The following FAM169A variants were observed in gnomAD, a reference collection of about 807,000 sequenced individuals.
The protein encoded by FAM169A is family with sequence similarity 169 member A.
Under a neutral mutation model 75.7 loss-of-function variants are expected in FAM169A, and 24 were observed. The observed-to-expected ratio is 0.32, with a 90% confidence interval of 0.23 to 0.45. The LOEUF (loss-of-function observed/expected upper bound fraction) is 0.45. FAM169A is among the 20% of genes least tolerant of loss of function. The probability of loss-of-function intolerance (pLI) is 1.00; values close to 1 mark genes in which losing one functional copy is unlikely to be tolerated. For missense variants in FAM169A, 673 were observed against 784.0 expected, an observed-to-expected ratio of 0.86 and a Z score of 1.69; for synonymous variants, 271 against 271.0, an observed-to-expected ratio of 1.00 and a Z score of 0.00.
At chr5:74,854,542 ATCT>A (rs1223003023) in intron 1 of FAM169A, among the ~76,000 whole-genome samples, 2 of 152,080 alleles carry the variant, frequency 1.3e-5, no homozygotes, top group Admixed American at 6.6e-5. Flanking sequence ...CAAGTGCTAG[ATCT>A]TCTTCATTCA....
At chr5:74,827,669 CTT>C (rs555386249) in intron 5 of FAM169A, among the ~76,000 whole-genome samples, 18 of 138,688 alleles carry the variant, frequency 1.3e-4, no homozygotes, top group Admixed American at 1.5e-4. Flanking sequence ...TGGAGCTTAT[CTT>C]TTTTTTTTTT....
chr5:74,793,687 T>C (rs1746100442), intron 11 of FAM169A, among the ~76,000 whole-genome samples: 1 of 152,134 alleles, frequency 6.6e-6, no homozygotes, highest in Non-Finnish European at 1.5e-5. Context: ...AACACCCATC[T>C]GCTCCCCAAA....
intron 1 of FAM169A, among the ~76,000 whole-genome samples, chr5:74,844,894 T>C (rs1318400672): frequency 2.6e-5 from 4 of 152,232 alleles, no homozygotes; most frequent in Non-Finnish European, 5.9e-5. Context: ...AGTATAAAGT[T>C]AGTATAGAAT....
At chr5:74,863,796 T>C (rs544582341) in intron 1 of FAM169A, among the ~76,000 whole-genome samples, 151 of 152,298 alleles carry the variant, frequency 9.9e-4, no homozygotes, top group African/African-American at 3.5e-3. Context: ...ACCAATTCAG[T>C]GAACTTCTCT....
chr5:74,860,312 C>A (rs945709491), intron 1 of FAM169A, among the ~76,000 whole-genome samples: 1 of 152,190 alleles, frequency 6.6e-6, no homozygotes, highest in Non-Finnish European at 1.5e-5. Flanking sequence ...CTACAAAATT[C>A]TTTACTAATA....
intron 5 of FAM169A, among the ~76,000 whole-genome samples, chr5:74,823,322 T>A (rs574989808): frequency 6.6e-6 from 1 of 152,308 alleles, no homozygotes; most frequent in African/African-American, 2.4e-5. Flanking sequence ...ATTCCATTCA[T>A]GTTTACCAAG....
Position 74,862,173 on chromosome 5 carries a change from G to A in FAM169A, c.-4+3992C>T, listed in dbSNP as rs906293083. On this transcript the variant is annotated intron_variant, in intron 1 of 12. Transcript: ENST00000687041. Reference sequence around the variant, plus strand: ...TATCTTTTCTCCACTCCAATCCAGCGTTTAAACTGCTATTGGAATGCTCTT... The same window carrying A: ...TATCTTTTCTCCACTCCAATCCAGCATTTAAACTGCTATTGGAATGCTCTT... Among the ~76,000 whole-genome samples the A allele has an allele frequency of 5.3e-5, 8 of 152,150 alleles. No individual in the cohort carries two copies. The South Asian group carries it at 1.0e-3, about 20-fold the overall frequency.
intron 6 of FAM169A, among the ~76,000 whole-genome samples, chr5:74,808,426 C>G (rs113699232): frequency 0.092 from 13,906 of 151,882 alleles, 1,561 homozygotes; most frequent in African/African-American, 0.27. Flanking sequence ...CTAGCATGGG[C>G]AAATTCATAG....
intron 5 of FAM169A, among the ~76,000 whole-genome samples, chr5:74,824,232 G>A (rs748539731): frequency 2.0e-5 from 3 of 152,154 alleles, no homozygotes; most frequent in African/African-American, 4.8e-5. Context: ...ATTGGATCAA[G>A]GCAATTGACA....
At chr5:74,785,214 G>A (rs770055610) in intron 11 of FAM169A, among the ~76,000 whole-genome samples, 1 of 152,056 alleles carries the variant, frequency 6.6e-6, no homozygotes, top group East Asian at 1.9e-4. Context: ...AGGTACTCGG[G>A]AGGCTGAGGC....
At chr5:74,791,137 C>T (rs1745953919) in intron 11 of FAM169A, among the ~76,000 whole-genome samples, 1 of 152,166 alleles carries the variant, frequency 6.6e-6, no homozygotes, top group Non-Finnish European at 1.5e-5. Context: ...CATCTTGAAG[C>T]AGCTGGATTG....
rs186145868 is a variant in FAM169A at position 74,826,250 on chromosome 5, A to G, written c.490+8176T>C. Among the ~76,000 whole-genome samples, 546 of 152,276 alleles carry G rather than the reference A, an allele frequency of 3.6e-3. 6 individuals carry two copies. The highest frequency in any genetic ancestry group is 0.013 in the African/African-American group (524 of 41,558). ...CATTTTTTGCATTGTCTTCTCCTCC[A>G]AATCTCTTTTACTCTCTTTTGCTTT... On this transcript the variant is annotated intron_variant, in intron 5 of 12. Coordinates refer to ENST00000687041, the MANE Select transcript of FAM169A (RefSeq NM_001376049.1).
intron 11 of FAM169A, among the ~76,000 whole-genome samples, chr5:74,783,555 G>A (rs1250252161): frequency 3.3e-5 from 5 of 152,152 alleles, no homozygotes; most frequent in African/African-American, 9.7e-5. Context: ...TTCAGCATCT[G>A]GAATCTATGG....
chr5:74,841,470 T>G (rs1490443797), intron 2 of FAM169A, 75 bp downstream of exon 2: 3 of 1,185,498 alleles, frequency 2.5e-6, no homozygotes, highest in Non-Finnish European at 3.5e-6. Flanking sequence ...AAAATGATTT[T>G]TTTAAAAAAG....
intron 12 of FAM169A, 77 bp from the exon 13 acceptor site, chr5:74,782,085 G>T: frequency 9.0e-7 from 1 of 1,111,478 alleles, no homozygotes; most frequent in Non-Finnish European, 1.3e-6. Context: ...CTAATATGCA[G>T]TGACACTGAA....
At chr5:74,854,966 G>C (rs944759300) in intron 1 of FAM169A, among the ~76,000 whole-genome samples, 1 of 152,078 alleles carries the variant, frequency 6.6e-6, no homozygotes, top group Non-Finnish European at 1.5e-5. Context: ...TTTCTTTTGG[G>C]TATATACCAA....
intron 7 of FAM169A, 61 bp from the exon 8 acceptor site, chr5:74,804,666 T>C: frequency 5.5e-6 from 5 of 912,480 alleles, no homozygotes; most frequent in African/African-American, 1.7e-5. Context: ...AACTCTAACA[T>C]TGTACTGATT....
At chr5:74,839,339 G>A (rs193068519) in intron 3 of FAM169A, among the ~76,000 whole-genome samples, 1 of 151,730 alleles carries the variant, frequency 6.6e-6, no homozygotes, top group Non-Finnish European at 1.5e-5. Context: ...GGGTCAGGGT[G>A]GGGGGGTCCC....
At chr5:74,793,878 C>G (rs182743194) in intron 11 of FAM169A, among the ~76,000 whole-genome samples, 1 of 151,372 alleles carries the variant, frequency 6.6e-6, no homozygotes, top group Non-Finnish European at 1.5e-5. Context: ...TGGCAGGCGC[C>G]TGTAGTCCCA....
Sources: gnomAD v4.1 joint callset for allele counts (sites outside exome capture counted in the v4.1 genomes callset) on GRCh38, gnomAD v4.1.1 for gene constraint, MANE v1.5 for transcripts, NCBI Gene and HGNC (gene_info 2026-07-23, HGNC 2026-07-21) for gene names.